Variants in DCC observed in about 807,000 individuals in gnomAD.
DCC encodes DCC netrin 1 receptor, also known as netrin receptor DCC.
Under a neutral mutation model 172.5 loss-of-function variants are expected in DCC, and 58 were observed. That is an observed-to-expected ratio of 0.34 (90% CI 0.27 to 0.42). The LOEUF (loss-of-function observed/expected upper bound fraction) is 0.42, where lower values mean the gene tolerates loss of function less well. Ranked by LOEUF, DCC falls within the 10% of genes least tolerant of loss-of-function variation. The pLI is 1.00. For missense variants in DCC, 1,740 were observed against 1,791.0 expected, an observed-to-expected ratio of 0.97 and a Z score of 0.51; for synonymous variants, 709 against 644.5, an observed-to-expected ratio of 1.10 and a Z score of -1.52.
intron 12 of DCC, among the ~76,000 whole-genome samples, chr18:53,246,258 A>C (rs1223669933): frequency 1.3e-5 from 2 of 152,042 alleles, no homozygotes; most frequent in African/African-American, 4.8e-5. Context: ...CAGCTGAGGC[A>C]AATTTTATTC....
At chr18:52,993,525 C>A (rs2041428954) in intron 5 of DCC, among the ~76,000 whole-genome samples, 1 of 148,102 alleles carries the variant, frequency 6.8e-6, no homozygotes, top group Non-Finnish European at 1.5e-5. Context: ...CTATTATTGC[C>A]TCATGTGGTT....
chr18:53,006,446 G>A (rs951576455), intron 5 of DCC, among the ~76,000 whole-genome samples: 3 of 152,060 alleles, frequency 2.0e-5, no homozygotes, highest in African/African-American at 7.2e-5. Flanking sequence ...AAAAATGATG[G>A]CAAAAATAGA....
At chr18:52,743,352 C>A (rs1008934335) in intron 1 of DCC, among the ~76,000 whole-genome samples, 2 of 152,172 alleles carry the variant, frequency 1.3e-5, no homozygotes, top group Non-Finnish European at 2.9e-5. Context: ...AAGGCTCAAA[C>A]CCAGGGCAGA....
intron 15 of DCC, among the ~76,000 whole-genome samples, chr18:53,343,060 C>G (rs1322539027): frequency 1.3e-5 from 2 of 151,302 alleles, no homozygotes; most frequent in African/African-American, 4.8e-5. Context: ...CCTATATATT[C>G]CATTAGTTTT....
chr18:53,518,171 T>G (rs775846219), intron 27 of DCC, among the ~76,000 whole-genome samples: 1 of 152,188 alleles, frequency 6.6e-6, no homozygotes, highest in Non-Finnish European at 1.5e-5. Context: ...CATTTCATTT[T>G]GTCTGGCATC....
intron 12 of DCC, among the ~76,000 whole-genome samples, chr18:53,287,006 A>G (rs2056943411): frequency 6.6e-6 from 1 of 152,060 alleles, no homozygotes; most frequent in Admixed American, 6.6e-5. Flanking sequence ...CAGTTTTAAC[A>G]TCTTCACATG....
chr18:53,049,994 C>T (rs2042312487), intron 5 of DCC, among the ~76,000 whole-genome samples: 1 of 152,086 alleles, frequency 6.6e-6, no homozygotes, highest in Non-Finnish European at 1.5e-5. Flanking sequence ...AGCCTTCAGT[C>T]TGTGGCCAAA....
rs78918865 is a variant in DCC, at chr18:53,252,904, A to G, written c.1911+37307A>G. On this transcript the variant is annotated intron_variant, in intron 12 of 28. Coordinates refer to ENST00000442544, the MANE Select transcript of DCC (RefSeq NM_005215.4). ...GCATCCAATGCTGTAATTTTGCTTT[A>G]ACAAAATAAGTTTAGAAAACTAAAG... Among the ~76,000 whole-genome samples the G allele has an allele frequency of 6.3e-3, 956 of 152,128 alleles. 5 individuals carry two copies. Among genetic ancestry groups the G allele is most frequent in the Non-Finnish European group, 0.01 (688 of 67,934 alleles).
chr18:53,122,350 G>A (rs1210853343), intron 7 of DCC, among the ~76,000 whole-genome samples: 2 of 151,880 alleles, frequency 1.3e-5, no homozygotes, highest in Non-Finnish European at 2.9e-5. Context: ...TGGAATTGTG[G>A]TATCTGATAG....
chr18:52,491,959 G>C (rs1231329332), intron 1 of DCC, among the ~76,000 whole-genome samples: 5 of 151,642 alleles, frequency 3.3e-5, no homozygotes, highest in South Asian at 2.1e-4. Flanking sequence ...AATAGGATAT[G>C]ATGAGACAAA....
intron 7 of DCC, among the ~76,000 whole-genome samples, chr18:53,072,140 A>T (rs2042660995): frequency 1.3e-5 from 2 of 152,274 alleles, no homozygotes; most frequent in African/African-American, 4.8e-5. Flanking sequence ...AGAAGAAAAA[A>T]AAAGAGTCAA....
At chr18:52,528,804 A>C (rs1144065) in intron 1 of DCC, among the ~76,000 whole-genome samples, 38,927 of 151,896 alleles carry the variant, frequency 0.26, 5,261 homozygotes, top group African/African-American at 0.34. Flanking sequence ...AAGTCTACAG[A>C]TGCTCAACTT....
chr18:52,966,523 G>A (rs2040933301), intron 5 of DCC, among the ~76,000 whole-genome samples: 1 of 152,060 alleles, frequency 6.6e-6, no homozygotes, highest in Non-Finnish European at 1.5e-5. Context: ...TCTGGTGGAG[G>A]GACAGCTGGC....
chr18:52,866,236 T>C (rs2039226771), intron 2 of DCC, among the ~76,000 whole-genome samples: 1 of 152,210 alleles, frequency 6.6e-6, no homozygotes, highest in African/African-American at 2.4e-5. Flanking sequence ...GCCAGTGTTC[T>C]GTTCCATTGA....
intron 5 of DCC, among the ~76,000 whole-genome samples, chr18:52,946,526 G>T (rs911757398): frequency 6.6e-6 from 1 of 152,072 alleles, no homozygotes; most frequent in African/African-American, 2.4e-5. Flanking sequence ...CTGGGCTATG[G>T]GATTTAGATC....
chr18:52,772,739 A>C lies in DCC; in HGVS notation c.412+20365A>C, dbSNP rs143765349. Among the ~76,000 whole-genome samples, 719 of 152,110 alleles carry C rather than the reference A, an allele frequency of 4.7e-3. 1 individual carries two copies. The highest frequency in any genetic ancestry group is 0.021 in the East Asian group (110 of 5,166). The stretch of plus-strand genomic sequence containing the variant: ...ATTGGGTGGTGTTTTGTCTTTCTTT[A>C]TTTCTTTCTTTCATGGTAAGGACTC... On this transcript the variant is annotated intron_variant, in intron 2 of 28. Coordinates refer to ENST00000442544, the MANE Select transcript of DCC (RefSeq NM_005215.4).
intron 9 of DCC, among the ~76,000 whole-genome samples, chr18:53,203,201 TTGTG>T (rs66474118): frequency 0.16 from 20,275 of 125,024 alleles, 1,520 homozygotes; most frequent in East Asian, 0.33. Flanking sequence ...ATAGATTCTC[TTGTG>T]TGTGTGTGTG....
chr18:52,669,202 T>C (rs1240457847), intron 1 of DCC, among the ~76,000 whole-genome samples: 1 of 152,132 alleles, frequency 6.6e-6, no homozygotes, highest in Admixed American at 6.5e-5. Context: ...CAAGATTAGA[T>C]GAGCCAGTTT....
intron 1 of DCC, among the ~76,000 whole-genome samples, chr18:52,591,803 T>C (rs924537043): frequency 9.4e-5 from 14 of 149,136 alleles, no homozygotes; most frequent in Non-Finnish European, 1.9e-4. Context: ...TTTTTTTTTT[T>C]CGGTAGTAAC....
Sources: gnomAD v4.1 joint callset for allele counts (sites outside exome capture counted in the v4.1 genomes callset) on GRCh38, gnomAD v4.1.1 for gene constraint, MANE v1.5 for transcripts, NCBI Gene and HGNC (gene_info 2026-07-23, HGNC 2026-07-21) for gene names.